Variants in ADGRL2 observed in about 807,000 individuals in gnomAD.
The protein encoded by ADGRL2 is calcium-independent alpha-latrotoxin receptor 2.
ADGRL2 carries 44 observed loss-of-function variants against 157.4 expected under a neutral mutation model. That is an observed-to-expected ratio of 0.28 (90% confidence interval 0.22 to 0.36). The LOEUF is 0.36. Ranked by LOEUF, ADGRL2 falls within the 10% of genes least tolerant of loss-of-function variation. The pLI is 1.00. For synonymous variants in ADGRL2, 585 were observed against 624.7 expected, an observed-to-expected ratio of 0.94 and a Z score of 0.95; for missense variants, 1,510 against 1,768.9, an observed-to-expected ratio of 0.85 and a Z score of 2.63.
intron 13 of ADGRL2, among the ~76,000 whole-genome samples, chr1:81,967,285 A>G (rs1291177496): frequency 2.7e-5 from 4 of 148,296 alleles, no homozygotes; most frequent in Non-Finnish European, 4.4e-5. Context: ...TTTTTGAGAC[A>G]GAGTCTCGCT....
chr1:81,351,082 T>A (rs1299701626), intron 1 of ADGRL2, among the ~76,000 whole-genome samples: 1 of 152,186 alleles, frequency 6.6e-6, no homozygotes, highest in Non-Finnish European at 1.5e-5. Flanking sequence ...TATTTGACAA[T>A]GTCCCCTTAA....
intron 2 of ADGRL2, among the ~76,000 whole-genome samples, chr1:81,553,188 T>A (rs1466483593): frequency 6.6e-6 from 1 of 152,198 alleles, no homozygotes; most frequent in Non-Finnish European, 1.5e-5. Context: ...TTAAAAAGTA[T>A]TGAATTGATA....
chr1:81,637,715 T>G (rs1288787914), intron 3 of ADGRL2, among the ~76,000 whole-genome samples: 1 of 152,212 alleles, frequency 6.6e-6, no homozygotes, highest in Non-Finnish European at 1.5e-5. Context: ...CATTTCTGTT[T>G]GAATGCACTG....
At chr1:81,889,495 T>C (rs971942069) in intron 2 of ADGRL2, among the ~76,000 whole-genome samples, 3 of 152,100 alleles carry the variant, frequency 2.0e-5, no homozygotes, top group Non-Finnish European at 2.9e-5. Flanking sequence ...GTGAGGAAGA[T>C]GTGGAGGAAA....
intron 1 of ADGRL2, among the ~76,000 whole-genome samples, chr1:81,802,006 C>T (rs780449679): frequency 1.3e-5 from 2 of 150,634 alleles, no homozygotes; most frequent in Non-Finnish European, 3.0e-5. Context: ...GCGCTGGCTG[C>T]TCGGCTGGAG....
intron 3 of ADGRL2, among the ~76,000 whole-genome samples, chr1:81,648,371 G>A (rs2082352470): frequency 6.6e-6 from 1 of 152,174 alleles, no homozygotes; most frequent in African/African-American, 2.4e-5. Context: ...AGGCTCAGAG[G>A]TCTCTGCTCC....
At chr1:81,783,048 G>C (rs1408691564) in intron 2 of ADGRL2, among the ~76,000 whole-genome samples, 1 of 152,202 alleles carries the variant, frequency 6.6e-6, no homozygotes, top group Non-Finnish European at 1.5e-5. Context: ...GTGGCTCTTA[G>C]AAAGCTTAAA....
At chr1:81,783,289 A>ATT (rs573673307) in intron 2 of ADGRL2, among the ~76,000 whole-genome samples, 2 of 145,586 alleles carry the variant, frequency 1.4e-5, no homozygotes, top group Non-Finnish European at 3.0e-5. Context: ...ATGCTGGCTA[A>ATT]TTTTTTTTTT....
chr1:81,656,751 A>G (rs1213049093), intron 3 of ADGRL2, among the ~76,000 whole-genome samples: 2 of 152,142 alleles, frequency 1.3e-5, no homozygotes, highest in African/African-American at 4.8e-5. Context: ...GGCTTATGCC[A>G]GTAATACAAA....
chr1:81,580,117 A>C (rs901775275), intron 2 of ADGRL2, among the ~76,000 whole-genome samples: 1 of 152,190 alleles, frequency 6.6e-6, no homozygotes, highest in Non-Finnish European at 1.5e-5. Flanking sequence ...AACTGAATAA[A>C]AGCGGTAAAT....
intron 2 of ADGRL2, among the ~76,000 whole-genome samples, chr1:81,873,650 T>C (rs1263478014): frequency 6.6e-6 from 1 of 152,098 alleles, no homozygotes; most frequent in East Asian, 1.9e-4. Flanking sequence ...TCATGTTAGA[T>C]AGCAGGAGGC....
intron 3 of ADGRL2, among the ~76,000 whole-genome samples, chr1:81,639,155 C>T (rs895323766): frequency 5.3e-5 from 8 of 152,276 alleles, no homozygotes; most frequent in South Asian, 2.1e-4. Context: ...CTTCAACCTC[C>T]GCCTCCCAGG....
intron 3 of ADGRL2, among the ~76,000 whole-genome samples, chr1:81,605,811 T>C (rs545350022): frequency 6.6e-6 from 1 of 152,316 alleles, no homozygotes; most frequent in East Asian, 1.9e-4. Flanking sequence ...GTCTTGAAAA[T>C]AGCCATGCAA....
At chr1:81,442,016 T>C (rs2077517026) in intron 1 of ADGRL2, among the ~76,000 whole-genome samples, 1 of 152,112 alleles carries the variant, frequency 6.6e-6, no homozygotes, top group Non-Finnish European at 1.5e-5. Flanking sequence ...ACAATTTTTA[T>C]AGAGGCAGAG....
At chr1:81,718,708 A>G (rs974596250) in intron 1 of ADGRL2, among the ~76,000 whole-genome samples, 21 of 152,238 alleles carry the variant, frequency 1.4e-4, no homozygotes, top group African/African-American at 5.1e-4. Flanking sequence ...TTCTAATCCA[A>G]TCTTCCCCAA....
At chr1:81,432,910 T>C (rs1249379364) in intron 1 of ADGRL2, among the ~76,000 whole-genome samples, 3 of 152,152 alleles carry the variant, frequency 2.0e-5, no homozygotes, top group Non-Finnish European at 4.4e-5. Flanking sequence ...AGAGTTTCAA[T>C]GTGGAAAGAG....
chr1:81,478,676 G>A (rs916919694), intron 2 of ADGRL2, among the ~76,000 whole-genome samples: 1 of 152,098 alleles, frequency 6.6e-6, no homozygotes, highest in Non-Finnish European at 1.5e-5. Flanking sequence ...TAGTGGCAGT[G>A]TTCAGATTCT....
rs896666884 is a variant in ADGRL2 at position 81,970,448 on chromosome 1, T to C, written c.2868T>C (p.Tyr956=). 1 of 1,563,720 alleles carries C rather than the reference T, an allele frequency of 6.4e-7. No homozygotes were observed. ...AAAGTGAATATTCAAGGAAAAAATA[T>C]TACTATGTTGCTGGTTACTTGTTTC... ...VFESEYSRKK[Y]YYVAGYLFPA... is the part of the protein sequence containing the mutation. The change falls in exon 16 of 24, where the codon TAT becomes TAC. Residue 956 remains tyrosine (Y), a synonymous_variant. Coordinates refer to ENST00000686636, the MANE Select transcript of ADGRL2 (RefSeq NM_001366006.2).
chr1:81,413,336 T>C (rs982279482), intron 1 of ADGRL2, among the ~76,000 whole-genome samples: 25 of 152,162 alleles, frequency 1.6e-4, no homozygotes, highest in African/African-American at 6.0e-4. Flanking sequence ...TCCAATATTG[T>C]AATAAATTCA....
Sources: gnomAD v4.1 joint callset for allele counts (sites outside exome capture counted in the v4.1 genomes callset) on GRCh38, gnomAD v4.1.1 for gene constraint, MANE v1.5 for transcripts, NCBI Gene and HGNC (gene_info 2026-07-23, HGNC 2026-07-21) for gene names.